Variants in UBE2W observed in about 807,000 individuals in gnomAD.
UBE2W encodes the protein ubiquitin conjugating enzyme E2 W.
Under a neutral mutation model 27.2 loss-of-function variants are expected in UBE2W, and 18 were observed. The ratio of observed to expected loss-of-function variants is 0.66; its 90% CI spans 0.46 to 0.98. The LOEUF is 0.98. UBE2W is among the 50% of genes least tolerant of loss of function. The pLI is 0.00. For synonymous variants in UBE2W, 53 were observed against 57.2 expected (o/e 0.93, Z 0.33); for missense variants, 90 against 180.2 (o/e 0.50, Z 2.87).
At chr8:73,828,847 A>C (rs1028633220) in intron 2 of UBE2W, among the ~76,000 whole-genome samples, 16 of 152,124 alleles carry the variant, frequency 1.1e-4, no homozygotes, top group Non-Finnish European at 1.5e-4. Flanking sequence ...TTGTGCTCTC[A>C]AATACTAGAT....
intron 2 of UBE2W, among the ~76,000 whole-genome samples, chr8:73,830,015 C>T (rs1295073278): frequency 2.0e-5 from 3 of 152,134 alleles, no homozygotes; most frequent in Non-Finnish European, 4.4e-5. Flanking sequence ...TTGACTATTA[C>T]TCTCTTCATA....
intron 2 of UBE2W, among the ~76,000 whole-genome samples, chr8:73,830,121 G>C (rs1370476147): frequency 6.6e-6 from 1 of 151,802 alleles, no homozygotes; most frequent in Non-Finnish European, 1.5e-5. Context: ...CAAAGTCAGT[G>C]CTACTCAGTT....
intron 4 of UBE2W, among the ~76,000 whole-genome samples, chr8:73,806,908 T>G (rs2130867401): frequency 6.6e-6 from 1 of 152,346 alleles, no homozygotes; most frequent in South Asian, 2.1e-4. Context: ...GCCTTTCTGC[T>G]GAACATATGC....
At chr8:73,821,566 G>GT (rs2130892572) in intron 3 of UBE2W, among the ~76,000 whole-genome samples, 2 of 125,088 alleles carry the variant, frequency 1.6e-5, no homozygotes, top group South Asian at 3.0e-4. Flanking sequence ...TGGGGGGGGG[G>GT]GGATGTGTGT....
At chr8:73,796,663 G>T in intron 5 of UBE2W, 2 of 984,998 alleles carry the variant, frequency 2.0e-6, no homozygotes, top group Non-Finnish European at 2.4e-6. Context: ...GATCAACAGG[G>T]ACTTGCGGGA....
chr8:73,798,124 C>T (rs1360053226), intron 5 of UBE2W, among the ~76,000 whole-genome samples: 1 of 151,990 alleles, frequency 6.6e-6, no homozygotes, highest in Non-Finnish European at 1.5e-5. Context: ...CCCATCTATA[C>T]CCCCCAACAA....
At chr8:73,845,274 A>G (rs1278159829) in intron 1 of UBE2W, among the ~76,000 whole-genome samples, 1 of 152,244 alleles carries the variant, frequency 6.6e-6, no homozygotes, top group Non-Finnish European at 1.5e-5. Flanking sequence ...ACAGAAAAGG[A>G]GGAAATGTGG....
chr8:73,791,876 G>T lies in UBE2W; in HGVS notation c.*2226C>A. ...TATGGTATTTATATGTAGAGAGAGAGGTATGTTAAAATATTGTCATAAAAA... is the reference window on the plus strand; with the variant it reads ...TATGGTATTTATATGTAGAGAGAGATGTATGTTAAAATATTGTCATAAAAA... On this transcript the variant is annotated 3_prime_UTR_variant, in exon 6 of 6. Transcript: ENST00000602593. The T allele has an allele frequency of 1.0e-6, 1 of 984,332 alleles. No individual in the cohort carries two copies. The highest frequency in any genetic ancestry group is 1.2e-6 in the Non-Finnish European group (1 of 829,036). The allele number at this position is 984,332 out of a possible 1,614,324, so 61.0% of individuals were successfully genotyped here.
intron 1 of UBE2W, among the ~76,000 whole-genome samples, chr8:73,837,877 G>A (rs1054574535): frequency 6.6e-6 from 1 of 152,010 alleles, no homozygotes; most frequent in African/African-American, 2.4e-5. Context: ...TCCTCCCCAG[G>A]GCGAAAAGGC....
intron 1 of UBE2W, among the ~76,000 whole-genome samples, chr8:73,858,039 A>C (rs1275441253): frequency 6.6e-6 from 1 of 151,942 alleles, no homozygotes; most frequent in African/African-American, 2.4e-5. Context: ...AGCATGGCCA[A>C]CATAGTGAAA....
At chr8:73,801,034 G>A (rs537797583) in intron 5 of UBE2W, among the ~76,000 whole-genome samples, 5 of 152,226 alleles carry the variant, frequency 3.3e-5, no homozygotes, top group Admixed American at 2.6e-4. Flanking sequence ...GAGGTGCGGT[G>A]AGCCAAGATG....
In UBE2W at chr8:73,837,327, A is replaced by C. The variant is rs1461799082; in HGVS notation, c.16-6855T>G. 2.6e-5 allele frequency among the ~76,000 whole-genome samples: 4 copies of C among 152,194 alleles called. 1 individual carries two copies. The highest frequency in any genetic ancestry group is 1.3e-4 in the Admixed American group (2 of 15,280). ...CAGGAGTTCGAGATCAGCCTGGCCA[A>C]CATAGTGAAACCCTGTCTCTACTAA... On this transcript the variant is annotated intron_variant, in intron 1 of 5. Transcript: ENST00000602593.
chr8:73,789,814 G>A lies in UBE2W; in HGVS notation c.*4288C>T. 1 of 764,888 alleles carries A rather than the reference G, an allele frequency of 1.3e-6. No homozygotes were observed. Among genetic ancestry groups the A allele is most frequent in the Non-Finnish European group, 1.6e-6 (1 of 628,938 alleles). 47.4% of individuals were successfully genotyped at this position (764,888 alleles called of 1,614,324 possible). ...GATCGTGCACTGCACTAAAGCCCGG[G>A]TGACAGAGCAAGACTCCGTCTCAAA... On this transcript the variant is annotated 3_prime_UTR_variant, in exon 6 of 6. Transcript: ENST00000602593.
chr8:73,781,942 T>G, downstream of UBE2W, among the ~76,000 whole-genome samples: 1 of 8,392 alleles, frequency 1.2e-4, no homozygotes, highest in South Asian at 5.7e-3. Context: ...TTTTTTTTTT[T>G]TTTTTTTTTT....
downstream of UBE2W, among the ~76,000 whole-genome samples, chr8:73,785,367 C>G (rs146388605): frequency 4.6e-5 from 7 of 152,202 alleles, no homozygotes; most frequent in African/African-American, 1.7e-4. Context: ...TTGTATCGAC[C>G]TCCTGGCCTC....
chr8:73,781,630 T>A (rs1055137604), downstream of UBE2W, among the ~76,000 whole-genome samples: 1 of 151,268 alleles, frequency 6.6e-6, no homozygotes, highest in Non-Finnish European at 1.5e-5. Flanking sequence ...TTTTTTTTTT[T>A]TTTTTTTATT....
At chr8:73,860,855 C>A (rs560369110) in intron 1 of UBE2W, among the ~76,000 whole-genome samples, 1 of 152,266 alleles carries the variant, frequency 6.6e-6, no homozygotes, top group Admixed American at 6.5e-5. Context: ...AAAGTTCAGG[C>A]TAGACATGGT....
At chr8:73,878,096 G>A (rs557432034) in intron 1 of UBE2W, among the ~76,000 whole-genome samples, 8 of 152,326 alleles carry the variant, frequency 5.3e-5, no homozygotes, top group Admixed American at 3.9e-4. Flanking sequence ...AGGTTTAAGG[G>A]GGCTGAGGAC....
At chr8:73,866,298 T>A (rs1434619089) in intron 1 of UBE2W, among the ~76,000 whole-genome samples, 15 of 121,730 alleles carry the variant, frequency 1.2e-4, no homozygotes, top group African/African-American at 4.8e-4. Context: ...AAAATATATA[T>A]ATATATATAT....
Sources: gnomAD v4.1 joint callset for allele counts (sites outside exome capture counted in the v4.1 genomes callset) on GRCh38, gnomAD v4.1.1 for gene constraint, MANE v1.5 for transcripts, NCBI Gene and HGNC (gene_info 2026-07-23, HGNC 2026-07-21) for gene names.